The following MRPL47 variants were observed in gnomAD, a reference collection of about 807,000 sequenced individuals.
MRPL47 encodes the protein mitochondrial ribosomal protein L47, also known as large ribosomal subunit protein uL29m.
MRPL47 carries 31 observed loss-of-function variants against 34.0 expected under a neutral mutation model. The ratio of observed to expected loss-of-function variants is 0.91; its 90% CI spans 0.68 to 1.23. MRPL47 has a LOEUF of 1.23. Ranked by LOEUF, MRPL47 falls within the 50% of genes most tolerant of loss-of-function variation. MRPL47 has a pLI of 0.00. For synonymous variants in MRPL47, 106 were observed against 101.6 expected (o/e 1.04, Z -0.26); for missense variants, 328 against 285.8 (o/e 1.15, Z -1.07).
At chr3:179,589,379 A>T (rs919158135) in intron 6 of MRPL47, among the ~76,000 whole-genome samples, 5 of 152,194 alleles carry the variant, frequency 3.3e-5, no homozygotes, top group African/African-American at 1.2e-4. Flanking sequence ...AAGTCTCAGG[A>T]TATCTCTCAT....
chr3:179,599,896 C>G (rs920826555), intron 3 of MRPL47, among the ~76,000 whole-genome samples: 2 of 152,174 alleles, frequency 1.3e-5, no homozygotes, highest in African/African-American at 2.4e-5. Flanking sequence ...GAGGCCGAGG[C>G]AGGTGGATCA....
intron 2 of MRPL47, 26 bp from the exon 3 acceptor site, chr3:179,601,816 A>G (rs1718933709): frequency 6.4e-7 from 1 of 1,561,790 alleles, no homozygotes; most frequent in Admixed American, 1.7e-5. Context: ...ATAACATGAA[A>G]TAACATTTCT....
Position 179,593,908 on chromosome 3 carries a change from T to G in MRPL47, c.403-13A>C, listed in dbSNP as rs759663827. 6.4e-5 allele frequency: 102 copies of G among 1,602,900 alleles called. No individual in the cohort carries two copies. In the South Asian group the frequency reaches 1.1e-3, roughly 17 times the overall value. ...TGGAATCTACTACCTGAAAAGAGAA[T>G]AGAAAGATACAATTTCAACAATCAT... On this transcript the variant is annotated splice_polypyrimidine_tract_variant and intron_variant, in intron 4 of 6. Coordinates refer to ENST00000476781, the MANE Select transcript of MRPL47 (RefSeq NM_020409.3).
At chr3:179,589,839 A>G (rs1447863761) in intron 6 of MRPL47, among the ~76,000 whole-genome samples, 1 of 152,216 alleles carries the variant, frequency 6.6e-6, no homozygotes, top group Non-Finnish European at 1.5e-5. Flanking sequence ...CATTCTATTC[A>G]TCAGTCTTTG....
At chr3:179,594,576 A>C (rs1466641775) in intron 4 of MRPL47, among the ~76,000 whole-genome samples, 2 of 152,060 alleles carry the variant, frequency 1.3e-5, no homozygotes, top group Non-Finnish European at 2.9e-5. Context: ...TCCACCTTCC[A>C]GGTTCAAGCA....
At chr3:179,592,567 T>C in intron 6 of MRPL47, 77 bp downstream of exon 6, 1 of 829,366 alleles carries the variant, frequency 1.2e-6, no homozygotes, top group Non-Finnish European at 2.0e-6. Context: ...GCTTTCTTTA[T>C]GTCATCTGGT....
At position 179,604,595 on chromosome 3, in the gene MRPL47, A is replaced by T. The variant is rs759006398; in HGVS notation, c.30T>A (p.Cys10Ter). The change falls in exon 1 of 7, where the codon TGT becomes TGA. Residue 10 changes from cysteine (C) to a stop codon, truncating the protein, a stop_gained. Coordinates refer to ENST00000476781, the MANE Select transcript of MRPL47 (RefSeq NM_020409.3). LOFTEE classifies it high-confidence loss of function. MAAAGLALLCRRVSSALKSS... is the reference protein window; with the variant it reads MAAAGLALL ...ATTTCAGGGCGGATGAAACTCTCCT[A>T]CAAAGAAGGGCCAAACCGGCCGCAG... is the stretch of plus-strand genomic sequence containing the variant. 7 of 1,614,234 alleles carry T rather than the reference A, an allele frequency of 4.3e-6. No homozygotes were observed. In the South Asian group the frequency reaches 7.7e-5, roughly 18 times the overall value.
intron 6 of MRPL47, 82 bp downstream of exon 6, chr3:179,592,562 C>T (rs1033447222): frequency 9.6e-5 from 78 of 815,892 alleles, no homozygotes; most frequent in Non-Finnish European, 1.5e-4. Context: ...CTTAAGCTTT[C>T]TTTATGTCAT....
At chr3:179,590,684 G>T (rs1276224161) in intron 6 of MRPL47, among the ~76,000 whole-genome samples, 2 of 150,332 alleles carry the variant, frequency 1.3e-5, no homozygotes, top group Non-Finnish European at 3.0e-5. Flanking sequence ...TTCTGAAAAG[G>T]CCTGATGTGA....
In MRPL47 at chr3:179,598,692, G is replaced by A. The variant is rs1446776040; in HGVS notation, c.385C>T (p.Pro129Ser). The A allele has an allele frequency of 4.3e-6, 7 of 1,611,892 alleles. No individual in the cohort carries two copies. Among genetic ancestry groups the A allele is most frequent in the Admixed American group, 1.7e-5 (1 of 59,958 alleles). The change falls in exon 4 of 7, where the codon CCA (proline) becomes TCA (serine). Residue 129 changes from proline (P) to serine (S), a missense_variant. Pro to Ser is a moderately conservative substitution (Grantham distance 74). Transcript: ENST00000476781. ...AKRQRLPMPS[P>S]ERLDKVVDSM... Reference sequence around the variant, plus strand: ...ATCCTTACCTTATCTAACCGCTCTGGACTTGGCATTGGCAATCTCTGCCGC... The same window carrying A: ...ATCCTTACCTTATCTAACCGCTCTGAACTTGGCATTGGCAATCTCTGCCGC...
chr3:179,604,302 T>A (rs763583942), intron 1 of MRPL47, among the ~76,000 whole-genome samples: 13 of 152,174 alleles, frequency 8.5e-5, no homozygotes, highest in Non-Finnish European at 1.3e-4. Flanking sequence ...ACAAACCCCA[T>A]ATACTGTCTT....
intron 3 of MRPL47, among the ~76,000 whole-genome samples, chr3:179,600,680 T>C (rs1469791113): frequency 1.3e-5 from 2 of 151,382 alleles, no homozygotes; most frequent in Non-Finnish European, 2.9e-5. Flanking sequence ...TCTACTAGAG[T>C]CCCTAGGCAG....
At chr3:179,603,760 T>C (rs762410371) in intron 1 of MRPL47, among the ~76,000 whole-genome samples, 2 of 152,222 alleles carry the variant, frequency 1.3e-5, no homozygotes, top group Non-Finnish European at 2.9e-5. Flanking sequence ...TTACTGTGCA[T>C]CTGGATGATA....
At chr3:179,589,140 G>T in intron 6 of MRPL47, 145 bp from the exon 7 acceptor site, 2 of 769,306 alleles carry the variant, frequency 2.6e-6, no homozygotes, top group East Asian at 5.7e-5. Context: ...TATTAAACTT[G>T]AATAGTAATC....
intron 3 of MRPL47, 91 bp downstream of exon 3, chr3:179,601,639 C>A: frequency 1.3e-6 from 1 of 788,132 alleles, no homozygotes; most frequent in South Asian, 1.6e-5. Context: ...TCGCTTTACT[C>A]AATTTCTTAT....
Position 179,588,541 on chromosome 3 carries a change from CTA to C in MRPL47, c.*329_*330del. The C allele has an allele frequency of 5.0e-6, 1 of 200,738 alleles. No individual in the cohort carries two copies. The highest frequency in any genetic ancestry group is 1.0e-5 in the Non-Finnish European group (1 of 98,132). 12.4% of individuals were successfully genotyped at this position (200,738 alleles called of 1,614,324 possible). ...TAGCCTATTAACAACAGAGGTAAAA[CTA>C]TTATTCAAATTCAAAAACTACGGTA... On this transcript the variant is annotated 3_prime_UTR_variant, in exon 7 of 7. Coordinates refer to ENST00000476781, the MANE Select transcript of MRPL47 (RefSeq NM_020409.3).
At chr3:179,596,916 C>T (rs546496376) in intron 4 of MRPL47, among the ~76,000 whole-genome samples, 2 of 152,264 alleles carry the variant, frequency 1.3e-5, no homozygotes, top group East Asian at 3.9e-4. Flanking sequence ...TTACAGCTAA[C>T]AGAACTGTAT....
intron 4 of MRPL47, among the ~76,000 whole-genome samples, chr3:179,596,172 C>A (rs1379733407): frequency 1.3e-5 from 2 of 152,134 alleles, no homozygotes; most frequent in African/African-American, 4.8e-5. Context: ...TAATTTCTCC[C>A]TTAATTTTTA....
rs186723455 is a variant in MRPL47 at position 179,593,382 on chromosome 3, G to A, written c.533+383C>T. ...CAATGTGCAAAGAGGGCAGGTGTGT[G>A]TCCTGAAGTTAGCTTCATGGATTTT... On this transcript the variant is annotated intron_variant, in intron 5 of 6. Coordinates refer to ENST00000476781, the MANE Select transcript of MRPL47 (RefSeq NM_020409.3). Among the ~76,000 whole-genome samples, 224 of 152,326 alleles carry A rather than the reference G, an allele frequency of 1.5e-3. 2 individuals are homozygous for A. Among genetic ancestry groups the A allele is most frequent in the African/African-American group, 5.1e-3 (211 of 41,572 alleles).
Sources: allele counts gnomAD v4.1 joint callset (sites outside exome capture counted in the v4.1 genomes callset), GRCh38; gene constraint gnomAD v4.1.1; transcripts MANE v1.5; gene names NCBI Gene and HGNC (gene_info 2026-07-23, HGNC 2026-07-21).